Variants in AOC3 observed in about 807,000 individuals in gnomAD.
AOC3 encodes the protein amine oxidase [copper-containing] 3.
Under a neutral mutation model 55.4 loss-of-function variants are expected in AOC3, and 47 were observed. That is an observed-to-expected ratio of 0.85 (90% CI 0.67 to 1.08). The LOEUF is 1.08. AOC3 is among the 50% of genes least tolerant of loss of function. AOC3 has a pLI of 0.00. For synonymous variants in AOC3, 386 were observed against 410.7 expected, an observed-to-expected ratio of 0.94 and a Z score of 0.73; for missense variants, 853 against 993.1, an observed-to-expected ratio of 0.86 and a Z score of 1.90.
Position 42,851,532 on chromosome 17 carries a change from G to C in AOC3, c.189G>C (p.Leu63=), listed in dbSNP as rs974359490. 1.2e-6 allele frequency: 2 copies of C among 1,613,984 alleles called. No individual in the cohort carries two copies. Among genetic ancestry groups the C allele is most frequent in the African/African-American group, 1.3e-5 (1 of 74,928 alleles). ...GCCAGAGCCAGCTGTTTGCAGACCT[G>C]AGCCGAGAGGAGCTGACGGCTGTGA... The part of the protein sequence containing the change: ...HPGQSQLFAD[L]SREELTAVMR... The change falls in exon 1 of 4, where the codon CTG becomes CTC. Residue 63 remains leucine, a synonymous_variant. Transcript: ENST00000308423.
chr17:42,856,435 G>A lies in AOC3; in HGVS notation c.2177G>A (p.Arg726Gln), dbSNP rs144521317. The change falls in exon 4 of 4, where the codon CGA becomes CAA. Residue 726 changes from arginine to glutamine, a missense_variant. Physicochemically the swap from Arg to Gln is conservative, Grantham distance 43 (BLOSUM62 1). Transcript: ENST00000308423. ...TACTCTGCCGACTCCATCTACTTCC[G>A]AGGGGACCAGGATGCTGGGGCCTGC... ...SFYSADSIYF[R>Q]GDQDAGACEV... is the part of the protein sequence containing the mutation. 9.5e-5 allele frequency: 154 copies of A among 1,613,968 alleles called. No individual in the cohort carries two copies. Among genetic ancestry groups the A allele is most frequent in the Non-Finnish European group, 1.1e-4 (135 of 1,180,006 alleles).
At position 42,852,334 on chromosome 17, in the gene AOC3, G is replaced by T; in HGVS notation, c.991G>T (p.Ala331Ser). The T allele has an allele frequency of 3.1e-6, 5 of 1,614,162 alleles. No individual in the cohort carries two copies. Among genetic ancestry groups the T allele is most frequent in the Non-Finnish European group, 4.2e-6 (5 of 1,180,030 alleles). ...CTTCAGTGTCCAGGGAAGTCGAGTG[G>T]CCTCCTCACTGTGGACTTTCTCCTT... ...PRFSVQGSRV[A>S]SSLWTFSFGL... The change falls in exon 1 of 4, where the codon GCC becomes TCC. Residue 331 changes from alanine (A) to serine (S), a missense_variant. By Grantham distance (99) the Ala-to-Ser change is moderately conservative. Coordinates refer to ENST00000308423, the MANE Select transcript of AOC3 (RefSeq NM_003734.4).
rs1431356171 is a variant in AOC3 at position 42,856,391 on chromosome 17, T to C, written c.2133T>C (p.Phe711=). 2 of 1,614,074 alleles carry C rather than the reference T, an allele frequency of 1.2e-6. No homozygotes were observed. The highest frequency in any genetic ancestry group is 2.7e-5 in the African/African-American group (2 of 74,924). ...TCTTCCTCCGACCCTATAACTTCTT[T>C]GACGAAGACCCCTCCTTCTACTCTG... ...VGFFLRPYNF[F]DEDPSFYSAD... Residue 711 remains phenylalanine, a synonymous_variant, in exon 4 of 4, where the codon TTT becomes TTC. Transcript: ENST00000308423.
chr17:42,852,490 C>T lies in AOC3; in HGVS notation c.1147C>T (p.Arg383Cys), dbSNP rs149423459. 5.6e-6 allele frequency: 9 copies of T among 1,614,220 alleles called. No homozygotes were observed. Among genetic ancestry groups the T allele is most frequent in the African/African-American group, 2.7e-5 (2 of 75,044 alleles). Residue 383 changes from arginine to cysteine, a missense_variant, in exon 1 of 4, where the codon CGC becomes TGC. By Grantham distance (180) the Arg-to-Cys change is radical. Transcript: ENST00000308423. ...GGNSPAAMTT[R>C]YVDGGFGMGK... ...AAATTCCCCAGCAGCAATGACGACC[C>T]GCTATGTGGATGGAGGCTTTGGCAT...
chr17:42,854,649 G>A lies in AOC3; in HGVS notation c.1802G>A (p.Arg601Gln), dbSNP rs138325720. ...SNHSNKWGHP[R>Q]GYRIQMLSFA... ...CACAGCAACAAGTGGGGTCACCCCC[G>A]GGGCTACCGCATCCAGATGCTCAGC... The change falls in exon 2 of 4, where the codon CGG (arginine) becomes CAG (glutamine). Residue 601 changes from arginine to glutamine, a missense_variant. By Grantham distance (43) the Arg-to-Gln change is conservative (BLOSUM62 1). Transcript: ENST00000308423. The A allele has an allele frequency of 2.0e-5, 31 of 1,552,672 alleles. No homozygotes were observed. The African/African-American group carries it at 2.7e-4, about 14-fold the overall frequency.
Position 42,851,937 on chromosome 17 carries a change from T to C in AOC3, c.594T>C (p.Cys198=). 1 of 1,613,660 alleles carries C rather than the reference T, an allele frequency of 6.2e-7. No individual in the cohort carries two copies. The highest frequency in any genetic ancestry group is 8.5e-7 in the Non-Finnish European group (1 of 1,179,930). ...LPQASGLLHH[C]CFYKHRGRNL... Reference sequence around the variant, plus strand: ...AGGCTTCTGGGCTTCTCCACCACTGTTGCTTCTACAAGCACCGGGGACGGA... The same window carrying C: ...AGGCTTCTGGGCTTCTCCACCACTGCTGCTTCTACAAGCACCGGGGACGGA... The change falls in exon 1 of 4, where the codon TGT becomes TGC. Residue 198 remains cysteine, a synonymous_variant. Transcript: ENST00000308423.
At chr17:42,856,128 T>C in intron 3 of AOC3, 147 bp from the exon 4 acceptor site, 2 of 978,302 alleles carry the variant, frequency 2.0e-6, no homozygotes, top group Non-Finnish European at 3.1e-6. Context: ...GTTCCTAATA[T>C]GAAATGGACT....
chr17:42,852,889 C>G lies in AOC3; in HGVS notation c.1546C>G (p.Leu516Val). 2 of 1,612,290 alleles carry G rather than the reference C, an allele frequency of 1.2e-6. No individual in the cohort carries two copies. The highest frequency in any genetic ancestry group is 1.7e-6 in the Non-Finnish European group (2 of 1,178,478). The change falls in exon 1 of 4, where the codon CTG (leucine) becomes GTG (valine). Residue 516 changes from leucine (L) to valine (V), a missense_variant. By Grantham distance (32) the Leu-to-Val change is conservative (BLOSUM62 1). Transcript: ENST00000308423. ...CGGGAACCAAGTGTCAGAGCACACC[C>G]TGGGCACGGTCCACACCCACAGCGC... Reference protein sequence around the residue: ...KYGNQVSEHTLGTVHTHSAHF... With the variant: ...KYGNQVSEHTVGTVHTHSAHF...
Position 42,851,267 on chromosome 17 carries a change from A to C in AOC3, c.-77A>C. ...GAGCCCCCCACCCCGTCCAGGAGCC[A>C]ACAGAGCCCCCGTCTTGCTGGCGTG... is the stretch of plus-strand genomic sequence containing the variant. On this transcript the variant is annotated 5_prime_UTR_variant, in exon 1 of 4. Transcript: ENST00000308423. The C allele has an allele frequency of 2.9e-6, 4 of 1,361,244 alleles. No homozygotes were observed. The highest frequency in any genetic ancestry group is 3.9e-6 in the Non-Finnish European group (4 of 1,021,778). The allele number at this position is 1,361,244 out of a possible 1,614,324, so 84.3% of individuals were successfully genotyped here.
In AOC3 at chr17:42,851,508, C is replaced by T. The variant is rs1018469497; in HGVS notation, c.165C>T (p.Gly55=). The change falls in exon 1 of 4, where the codon GGC becomes GGT. Residue 55 remains glycine, a synonymous_variant. Coordinates refer to ENST00000308423, the MANE Select transcript of AOC3 (RefSeq NM_003734.4). ...GTGCCCAGCCTTGGACACACCCTGG[C>T]CAGAGCCAGCTGTTTGCAGACCTGA... ...SPSAQPWTHP[G]QSQLFADLSR... The T allele has an allele frequency of 4.3e-6, 7 of 1,614,076 alleles. No homozygotes were observed. The highest frequency in any genetic ancestry group is 5.9e-6 in the Non-Finnish European group (7 of 1,180,030).
chr17:42,853,255 T>A (rs1181254233), intron 1 of AOC3: 1 of 1,144,706 alleles, frequency 8.7e-7, no homozygotes, highest in Admixed American at 4.3e-5. Flanking sequence ...TTATATGGGC[T>A]CTGCTGCTGG....
Position 42,855,532 on chromosome 17 carries a change from G to A in AOC3, c.1975G>A (p.Asp659Asn), listed in dbSNP as rs773273649. ...NQNDPWAPTV[D>N]FSDFINNETI... ...GAATGACCCTTGGGCCCCCACTGTG[G>A]ATTTCAGTGACTTCATCAACAATGA... is the stretch of plus-strand genomic sequence containing the variant. The change falls in exon 3 of 4, where the codon GAT becomes AAT. Residue 659 changes from aspartate (D) to asparagine (N), a missense_variant. By Grantham distance (23) the Asp-to-Asn change is conservative. Transcript: ENST00000308423. 6.2e-7 allele frequency: 1 copy of A among 1,614,114 alleles called. No individual in the cohort carries two copies. The highest frequency in any genetic ancestry group is 8.5e-7 in the Non-Finnish European group (1 of 1,180,008).
chr17:42,855,513 C>T lies in AOC3; in HGVS notation c.1956C>T (p.Asp652=). The part of the protein sequence containing the change: ...PSSSSVFNQN[D]PWAPTVDFSD... Reference sequence around the variant, plus strand: ...GCAGCAGCGTTTTCAATCAGAATGACCCTTGGGCCCCCACTGTGGATTTCA... The same window carrying T: ...GCAGCAGCGTTTTCAATCAGAATGATCCTTGGGCCCCCACTGTGGATTTCA... The change falls in exon 3 of 4, where the codon GAC becomes GAT. Residue 652 remains aspartate (D), a synonymous_variant. Transcript: ENST00000308423. 1 of 1,613,936 alleles carries T rather than the reference C, an allele frequency of 6.2e-7. No homozygotes were observed. Among genetic ancestry groups the T allele is most frequent in the Non-Finnish European group, 8.5e-7 (1 of 1,179,986 alleles).
At position 42,852,224 on chromosome 17, in the gene AOC3, A is replaced by G; in HGVS notation, c.881A>G (p.Asn294Ser). 1.2e-6 allele frequency: 2 copies of G among 1,613,614 alleles called. No homozygotes were observed. The stretch of plus-strand genomic sequence containing the variant: ...GTGAATGTGGTGCTGATCCCAGACA[A>G]TGGCACAGGTGGGTCCTGGTCCCTG... Reference protein sequence around the residue: ...GLVNVVLIPDNGTGGSWSLKS... With the variant: ...GLVNVVLIPDSGTGGSWSLKS... Residue 294 changes from asparagine (N) to serine (S), a missense_variant, in exon 1 of 4, where the codon AAT becomes AGT. By Grantham distance (46) the Asn-to-Ser change is conservative. Coordinates refer to ENST00000308423, the MANE Select transcript of AOC3 (RefSeq NM_003734.4).
chr17:42,854,513 G>C lies in AOC3; in HGVS notation c.1666G>C (p.Glu556Gln). 1.2e-6 allele frequency: 2 copies of C among 1,607,536 alleles called. No homozygotes were observed. Among genetic ancestry groups the C allele is most frequent in the South Asian group, 2.2e-5 (2 of 90,326 alleles). Residue 556 changes from glutamate (E) to glutamine (Q), a missense_variant, in exon 2 of 4, where the codon GAG (glutamate) becomes CAG (glutamine). Physicochemically the swap from Glu to Gln is conservative, Grantham distance 29 (BLOSUM62 2). Coordinates refer to ENST00000308423, the MANE Select transcript of AOC3 (RefSeq NM_003734.4). The part of the protein sequence containing the change: ...FVPMAVPWSP[E>Q]HQLQRLQVTR... ...CCCCATGGCTGTGCCCTGGAGCCCT[G>C]AGCACCAGCTGCAGAGGCTGCAGGT... is the stretch of plus-strand genomic sequence containing the variant.
rs1388040139 is a variant in AOC3 at position 42,851,929 on chromosome 17, C to T, written c.586C>T (p.His196Tyr). Residue 196 changes from histidine to tyrosine, a missense_variant, in exon 1 of 4, where the codon CAC (histidine) becomes TAC (tyrosine). Physicochemically the swap from His to Tyr is moderately conservative, Grantham distance 83 (BLOSUM62 2). Coordinates refer to ENST00000308423, the MANE Select transcript of AOC3 (RefSeq NM_003734.4). ...RELPQASGLL[H>Y]HCCFYKHRGR... Reference sequence around the variant, plus strand: ...GCTGCCCCAGGCTTCTGGGCTTCTCCACCACTGTTGCTTCTACAAGCACCG... The same window carrying T: ...GCTGCCCCAGGCTTCTGGGCTTCTCTACCACTGTTGCTTCTACAAGCACCG... The T allele has an allele frequency of 1.2e-6, 2 of 1,613,798 alleles. No homozygotes were observed.
rs750485685 is a variant in AOC3, at chr17:42,852,469, T to G, written c.1126T>G (p.Ser376Ala). ...QEALAIYGGNSPAAMTTRYVD... is the reference protein window; with the variant it reads ...QEALAIYGGNAPAAMTTRYVD... ...GGCCTTGGCCATCTATGGTGGAAAT[T>G]CCCCAGCAGCAATGACGACCCGCTA... Residue 376 changes from serine (S) to alanine (A), a missense_variant, in exon 1 of 4, where the codon TCC becomes GCC. Physicochemically the swap from Ser to Ala is moderately conservative, Grantham distance 99. Coordinates refer to ENST00000308423, the MANE Select transcript of AOC3 (RefSeq NM_003734.4). 6.2e-7 allele frequency: 1 copy of G among 1,614,148 alleles called. No homozygotes were observed. Among genetic ancestry groups the G allele is most frequent in the Non-Finnish European group, 8.5e-7 (1 of 1,180,028 alleles).
chr17:42,854,189 C>T (rs1416123365), intron 1 of AOC3: 4 of 330,588 alleles, frequency 1.2e-5, no homozygotes, highest in East Asian at 9.2e-5. Flanking sequence ...TCCCCAGGGA[C>T]GAGTACAGTC....
chr17:42,856,670 T>G lies in AOC3; in HGVS notation c.*120T>G, dbSNP rs891990786. 33 of 1,211,600 alleles carry G rather than the reference T, an allele frequency of 2.7e-5. No homozygotes were observed. Among genetic ancestry groups the G allele is most frequent in the Middle Eastern group, 2.9e-4 (1 of 3,442 alleles). 75.1% of individuals were successfully genotyped at this position (1,211,600 alleles called of 1,614,324 possible). On this transcript the variant is annotated 3_prime_UTR_variant, in exon 4 of 4. Transcript: ENST00000308423. ...CTTTCCTGTGCCAGGACTCTCTTTC[T>G]TCCACTACCCTCCCTCGCATCCGCC...
Sources: allele counts gnomAD v4.1 joint callset, GRCh38; gene constraint gnomAD v4.1.1; transcripts MANE v1.5; gene names NCBI Gene and HGNC (gene_info 2026-07-23, HGNC 2026-07-21).